Variants in CACNB4 observed in about 807,000 individuals in gnomAD.
CACNB4 encodes calcium voltage-gated channel auxiliary subunit beta 4, also known as voltage-dependent L-type calcium channel subunit beta-4.
Under a neutral mutation model 71.2 loss-of-function variants are expected in CACNB4, and 32 were observed. The observed-to-expected ratio is 0.45, with a 90% confidence interval of 0.34 to 0.60. The LOEUF (loss-of-function observed/expected upper bound fraction) is 0.60. CACNB4 is among the 20% of genes least tolerant of loss of function. The pLI, the probability that CACNB4 is intolerant of heterozygous loss-of-function variation, is 0.01. For synonymous variants in CACNB4, 231 were observed against 236.9 expected, an observed-to-expected ratio of 0.97 and a Z score of 0.23; for missense variants, 464 against 647.9, an observed-to-expected ratio of 0.72 and a Z score of 3.08.
chr2:151,966,255 C>T (rs531476387), intron 2 of CACNB4, among the ~76,000 whole-genome samples: 25 of 146,862 alleles, frequency 1.7e-4, no homozygotes, highest in Non-Finnish European at 2.4e-4. Context: ...CAACTCCCAG[C>T]GTTCTTTCTT....
intron 2 of CACNB4, among the ~76,000 whole-genome samples, chr2:151,961,323 G>A (rs149491742): frequency 1.1e-3 from 173 of 152,262 alleles, no homozygotes; most frequent in African/African-American, 4.0e-3. Context: ...AGAGACCTCT[G>A]GGTATTTGAA....
chr2:151,909,415 G>A lies in CACNB4; in HGVS notation c.148-26045C>T, dbSNP rs1223821266. Among the ~76,000 whole-genome samples the A allele has an allele frequency of 4.1e-5, 6 of 145,498 alleles. No homozygotes were observed. In the Admixed American group the frequency reaches 4.2e-4, roughly 10 times the overall value. On this transcript the variant is annotated intron_variant, in intron 2 of 13. Transcript: ENST00000539935. ...CATGCCACTGCACTCCAGCCTGGGCGACACAGCGAGACTCCATCTCAGGGA... is the reference window on the plus strand; with the variant it reads ...CATGCCACTGCACTCCAGCCTGGGCAACACAGCGAGACTCCATCTCAGGGA...
chr2:151,966,501 A>C (rs1380870624), intron 2 of CACNB4, among the ~76,000 whole-genome samples: 1 of 152,004 alleles, frequency 6.6e-6, no homozygotes, highest in African/African-American at 2.4e-5. Flanking sequence ...GGCTGGTCTC[A>C]AACTCCTGAC....
intron 2 of CACNB4, among the ~76,000 whole-genome samples, chr2:151,960,962 A>C (rs2099869507): frequency 6.6e-6 from 1 of 152,212 alleles, no homozygotes; most frequent in Admixed American, 6.5e-5. Flanking sequence ...CCAGTAGCCA[A>C]AGTTGATTTT....
intron 9 of CACNB4, among the ~76,000 whole-genome samples, chr2:151,863,639 T>C (rs984789746): frequency 6.6e-6 from 1 of 152,162 alleles, no homozygotes; most frequent in African/African-American, 2.4e-5. Flanking sequence ...TCTTCAAATC[T>C]GAAGGGATTA....
intron 2 of CACNB4, among the ~76,000 whole-genome samples, chr2:152,083,008 G>T (rs1223192440): frequency 6.6e-6 from 1 of 152,170 alleles, no homozygotes; most frequent in African/African-American, 2.4e-5. Context: ...CCAGAGGAAG[G>T]AGGAGCAGAA....
intron 2 of CACNB4, among the ~76,000 whole-genome samples, chr2:151,945,722 G>A (rs1403983689): frequency 6.6e-6 from 1 of 151,912 alleles, no homozygotes. Context: ...TTGTTGAGAG[G>A]AACAAATGAG....
intron 2 of CACNB4, among the ~76,000 whole-genome samples, chr2:151,901,989 C>A (rs1559962487): frequency 1.3e-5 from 2 of 150,860 alleles, no homozygotes; most frequent in Non-Finnish European, 2.9e-5. Flanking sequence ...GTAGATGCAG[C>A]TGAAGTTGGC....
chr2:152,035,588 C>CCT (rs1407957245), intron 2 of CACNB4, among the ~76,000 whole-genome samples: 1 of 123,710 alleles, frequency 8.1e-6, no homozygotes, highest in Non-Finnish European at 1.8e-5. Context: ...TCTCTCTCTC[C>CCT]CTCTCTCTCT....
intron 2 of CACNB4, chr2:151,969,355 TA>T (rs376114249): frequency 7.5e-4 from 114 of 152,326 alleles, no homozygotes; most frequent in African/African-American, 2.4e-3. Flanking sequence ...TGAAGGCCCC[TA>T]AACATATAAA....
intron 2 of CACNB4, among the ~76,000 whole-genome samples, chr2:152,072,410 G>C (rs1437012411): frequency 2.6e-5 from 4 of 152,202 alleles, no homozygotes; most frequent in African/African-American, 9.6e-5. Flanking sequence ...TGTATGAAAA[G>C]CAATTTAAGA....
Position 151,833,738 on chromosome 2 carries a change from G to A in CACNB4, c.*5381C>T, listed in dbSNP as rs2099834295. On this transcript the variant is annotated 3_prime_UTR_variant, in exon 14 of 14. Transcript: ENST00000539935. ...AATATGACTGCCAAATTTAACGGTGGATTTTGTTATAAGTTTGTGCTATAA... is the reference window on the plus strand; with the variant it reads ...AATATGACTGCCAAATTTAACGGTGAATTTTGTTATAAGTTTGTGCTATAA... 3 of 151,936 alleles carry A rather than the reference G, an allele frequency of 2.0e-5. No homozygotes were observed. 9.4% of individuals were successfully genotyped at this position (151,936 alleles called of 1,614,324 possible).
chr2:152,059,919 T>G (rs1685920694), intron 2 of CACNB4, among the ~76,000 whole-genome samples: 1 of 152,114 alleles, frequency 6.6e-6, no homozygotes, highest in African/African-American at 2.4e-5. Context: ...AGTGAGTGAG[T>G]TCTCACCAGA....
chr2:152,072,985 C>T (rs1166661412), intron 2 of CACNB4, among the ~76,000 whole-genome samples: 1 of 152,136 alleles, frequency 6.6e-6, no homozygotes. Context: ...AACTAAAATT[C>T]AAGTTCAGTG....
chr2:151,842,631 C>A (rs894842604), intron 12 of CACNB4, among the ~76,000 whole-genome samples: 2 of 152,020 alleles, frequency 1.3e-5, no homozygotes, highest in Admixed American at 1.3e-4. Flanking sequence ...CAGCGCCCAG[C>A]CGGATTTTTC....
chr2:151,952,568 T>C (rs1270934685), intron 2 of CACNB4, among the ~76,000 whole-genome samples: 1 of 152,100 alleles, frequency 6.6e-6, no homozygotes, highest in African/African-American at 2.4e-5. Flanking sequence ...AAAATGTAAA[T>C]ATGACTGAGG....
chr2:151,919,719 C>T (rs2099858440), intron 2 of CACNB4, among the ~76,000 whole-genome samples: 1 of 152,158 alleles, frequency 6.6e-6, no homozygotes, highest in African/African-American at 2.4e-5. Flanking sequence ...TGACGCCCCC[C>T]TTAATTTGTA....
In CACNB4 at chr2:151,977,448, T is replaced by C. The variant is rs370095068; in HGVS notation, c.148-94078A>G. ...TTTTGTATCACAAGGACACATTATT[T>C]TCAGTTCTTTTTCATGGGCTTCAAA... On this transcript the variant is annotated intron_variant, in intron 2 of 13. Transcript: ENST00000539935. 8.5e-5 allele frequency among the ~76,000 whole-genome samples: 13 copies of C among 152,332 alleles called. No homozygotes were observed. In the South Asian group the frequency reaches 1.2e-3, roughly 15 times the overall value.
At chr2:151,994,212 G>C (rs1681905497) in intron 2 of CACNB4, among the ~76,000 whole-genome samples, 1 of 151,330 alleles carries the variant, frequency 6.6e-6, no homozygotes, top group South Asian at 2.1e-4. Flanking sequence ...TTCCTGTCTG[G>C]AATCCAGAAA....
Sources: gnomAD v4.1 joint callset for allele counts (sites outside exome capture counted in the v4.1 genomes callset) on GRCh38, gnomAD v4.1.1 for gene constraint, MANE v1.5 for transcripts, NCBI Gene and HGNC (gene_info 2026-07-23, HGNC 2026-07-21) for gene names.